The following EXT1 variants were observed in gnomAD, a reference collection of about 807,000 sequenced individuals.
EXT1 encodes the protein exostosin-1.
Under a neutral mutation model 82.5 loss-of-function variants are expected in EXT1, and 20 were observed. That is an observed-to-expected ratio of 0.24 (90% CI 0.17 to 0.35). EXT1 has a LOEUF of 0.35. Among genes scored for constraint, EXT1 ranks in the 10% least tolerant of loss-of-function variants. The pLI, the probability that EXT1 is intolerant of heterozygous loss-of-function variation, is 1.00. For missense variants in EXT1, 757 were observed against 936.5 expected (o/e 0.81, Z 2.50); for synonymous variants, 348 against 350.8 (o/e 0.99, Z 0.09).
intron 1 of EXT1, among the ~76,000 whole-genome samples, chr8:118,049,608 T>TA (rs1308363862): frequency 6.6e-6 from 1 of 152,024 alleles, no homozygotes; most frequent in African/African-American, 2.4e-5. Flanking sequence ...GCTTTGAAAG[T>TA]AAAAAAGAGA....
intron 1 of EXT1, among the ~76,000 whole-genome samples, chr8:117,938,959 T>C (rs1317104745): frequency 6.6e-6 from 1 of 152,174 alleles, no homozygotes; most frequent in Non-Finnish European, 1.5e-5. Flanking sequence ...CGAGCATCCA[T>C]CAGTACATCC....
At chr8:117,981,873 A>G (rs561768822) in intron 1 of EXT1, among the ~76,000 whole-genome samples, 1 of 152,180 alleles carries the variant, frequency 6.6e-6, no homozygotes, top group South Asian at 2.1e-4. Flanking sequence ...GCAAGACTGA[A>G]AAAAAAGGCA....
At chr8:118,096,697 A>T in intron 1 of EXT1, among the ~76,000 whole-genome samples, 1 of 139,136 alleles carries the variant, frequency 7.2e-6, no homozygotes. Context: ...GGAGGGAAGG[A>T]GGGAAGGAGG....
intron 1 of EXT1, among the ~76,000 whole-genome samples, chr8:117,961,971 T>A (rs186934205): frequency 7.9e-5 from 12 of 152,260 alleles, no homozygotes; most frequent in Admixed American, 7.8e-4. Context: ...CTGAAAAATC[T>A]GTTTGGGTAA....
intron 1 of EXT1, among the ~76,000 whole-genome samples, chr8:118,049,834 G>A (rs764213951): frequency 1.3e-5 from 2 of 151,924 alleles, no homozygotes; most frequent in African/African-American, 2.4e-5. Flanking sequence ...TGAAGCTGGC[G>A]AAGGCAGCCC....
chr8:117,972,463 T>C (rs1814962655), intron 1 of EXT1, among the ~76,000 whole-genome samples: 1 of 152,194 alleles, frequency 6.6e-6, no homozygotes, highest in Non-Finnish European at 1.5e-5. Flanking sequence ...CTTGCTCAAA[T>C]GGTAAAAGAG....
intron 1 of EXT1, among the ~76,000 whole-genome samples, chr8:117,980,697 G>GTTT (rs1491146564): frequency 0.054 from 1,485 of 27,358 alleles, 283 homozygotes; most frequent in East Asian, 0.075. Flanking sequence ...GGGTGTTGGT[G>GTTT]GTTTTTTTTT....
intron 1 of EXT1, among the ~76,000 whole-genome samples, chr8:118,017,722 TAAAGCAACATAATTC>T (rs1476514407): frequency 6.6e-6 from 1 of 152,196 alleles, no homozygotes; most frequent in Non-Finnish European, 1.5e-5. Context: ...AATCTTAATT[TAAAGCAACATAATTC>T]GAGACTGTGA....
At chr8:118,099,943 CTTT>C (rs1354808996) in intron 1 of EXT1, among the ~76,000 whole-genome samples, 1 of 152,174 alleles carries the variant, frequency 6.6e-6, no homozygotes, top group African/African-American at 2.4e-5. Flanking sequence ...CAGGAAGCAA[CTTT>C]GGGCTGTTTT....
intron 1 of EXT1, among the ~76,000 whole-genome samples, chr8:118,106,868 A>G (rs17506412): frequency 0.02 from 3,026 of 152,360 alleles, 98 homozygotes; most frequent in African/African-American, 0.069. Flanking sequence ...GTTAAAATAT[A>G]TAACTGATAA....
At chr8:117,883,016 G>A (rs570756629) in intron 1 of EXT1, among the ~76,000 whole-genome samples, 6 of 150,960 alleles carry the variant, frequency 4.0e-5, no homozygotes, top group South Asian at 2.1e-4. Context: ...AAAATGATAC[G>A]GCATCATACT....
At chr8:118,060,575 G>A (rs1816866387) in intron 1 of EXT1, among the ~76,000 whole-genome samples, 1 of 152,188 alleles carries the variant, frequency 6.6e-6, no homozygotes, top group South Asian at 2.1e-4. Context: ...GAGGATCAAG[G>A]AGGTTCTCTT....
chr8:117,942,780 T>C (rs192652075), intron 1 of EXT1, among the ~76,000 whole-genome samples: 19 of 152,318 alleles, frequency 1.2e-4, no homozygotes, highest in Admixed American at 9.8e-4. Flanking sequence ...GAATGTTTTT[T>C]TAAACATTCA....
intron 1 of EXT1, among the ~76,000 whole-genome samples, chr8:117,892,789 C>G (rs1813269247): frequency 6.6e-6 from 1 of 152,144 alleles, no homozygotes; most frequent in Non-Finnish European, 1.5e-5. Context: ...CTGGATATAT[C>G]TTAGAGCTAC....
Position 117,986,297 on chromosome 8 carries a change from C to A in EXT1, c.962+123788G>T, listed in dbSNP as rs113935092. Reference sequence around the variant, plus strand: ...CTCTGCCTCCTGGGTTCAAGCGATTCTCCTGCCTCAGCCTCCCGAGTAGCT... The same window carrying A: ...CTCTGCCTCCTGGGTTCAAGCGATTATCCTGCCTCAGCCTCCCGAGTAGCT... On this transcript the variant is annotated intron_variant, in intron 1 of 10. Transcript: ENST00000378204. Among the ~76,000 whole-genome samples, 939 of 151,304 alleles carry A rather than the reference C, an allele frequency of 6.2e-3. 9 individuals are homozygous for A. The highest frequency in any genetic ancestry group is 0.022 in the African/African-American group (905 of 41,358).
intron 1 of EXT1, among the ~76,000 whole-genome samples, chr8:118,055,704 G>C (rs1816784298): frequency 6.6e-6 from 1 of 152,106 alleles, no homozygotes; most frequent in Non-Finnish European, 1.5e-5. Context: ...CAATATAATA[G>C]AGCCTCCTTC....
chr8:117,995,933 A>T (rs1193151792), intron 1 of EXT1, among the ~76,000 whole-genome samples: 2 of 152,164 alleles, frequency 1.3e-5, no homozygotes, highest in Non-Finnish European at 2.9e-5. Context: ...TAAATGAACG[A>T]ATGGACTGGG....
intron 4 of EXT1, among the ~76,000 whole-genome samples, chr8:117,828,930 G>A (rs1023766725): frequency 1.3e-5 from 2 of 152,148 alleles, no homozygotes; most frequent in African/African-American, 4.8e-5. Flanking sequence ...ACCAGCACTG[G>A]CTCTGATAGT....
chr8:118,029,995 T>C (rs1258048259), intron 1 of EXT1, among the ~76,000 whole-genome samples: 1 of 152,242 alleles, frequency 6.6e-6, no homozygotes, highest in Non-Finnish European at 1.5e-5. Context: ...GCCTAAATTC[T>C]GCACACTGCC....
Sources: allele counts gnomAD v4.1 joint callset (sites outside exome capture counted in the v4.1 genomes callset), GRCh38; gene constraint gnomAD v4.1.1; transcripts MANE v1.5; gene names NCBI Gene and HGNC (gene_info 2026-07-23, HGNC 2026-07-21).